The following KLHDC1 variants were observed in gnomAD, a reference collection of about 807,000 sequenced individuals.
KLHDC1 encodes the protein kelch domain-containing protein 1.
Under a neutral mutation model 68.3 loss-of-function variants are expected in KLHDC1, and 53 were observed. That is an observed-to-expected ratio of 0.78 (90% CI 0.62 to 0.98). KLHDC1 has a LOEUF of 0.98. Ranked by LOEUF, KLHDC1 falls within the 50% of genes least tolerant of loss-of-function variation. The probability of loss-of-function intolerance (pLI) is 0.00; values close to 1 mark genes in which losing one functional copy is unlikely to be tolerated. For synonymous variants in KLHDC1, 148 were observed against 159.0 expected, an observed-to-expected ratio of 0.93 and a Z score of 0.52; for missense variants, 470 against 492.3, an observed-to-expected ratio of 0.95 and a Z score of 0.43.
Position 49,710,482 on chromosome 14 carries a change from T to G in KLHDC1, c.404+101T>G. 3 of 648,376 alleles carry G rather than the reference T, an allele frequency of 4.6e-6. No homozygotes were observed. The East Asian group carries it at 7.9e-5, about 17-fold the overall frequency. 40.2% of individuals were successfully genotyped at this position (648,376 alleles called of 1,614,324 possible). On this transcript the variant is annotated intron_variant, in intron 4 of 12. Transcript: ENST00000359332. ...TTAAAGGTATGAGTTTTTTTCAGGA[T>G]TGCAATTGATTTTCTAAATAATCAA... is the stretch of plus-strand genomic sequence containing the variant.
At chr14:49,740,276 C>T in intron 11 of KLHDC1, 94 bp downstream of exon 11, 1 of 688,898 alleles carries the variant, frequency 1.5e-6, no homozygotes, top group Middle Eastern at 3.4e-4. Context: ...TCTAACATTG[C>T]AAAATATGAA....
intron 1 of KLHDC1, 136 bp downstream of exon 1, chr14:49,693,426 T>TC (rs1433945360): frequency 2.2e-6 from 1 of 456,486 alleles, no homozygotes; most frequent in African/African-American, 2.1e-5. Flanking sequence ...CCCCAGCCCC[T>TC]CCGCTGGCCG....
chr14:49,751,824 T>C lies in KLHDC1; in HGVS notation c.*52T>C, dbSNP rs1889327705. On this transcript the variant is annotated 3_prime_UTR_variant, in exon 13 of 13. Coordinates refer to ENST00000359332, the MANE Select transcript of KLHDC1 (RefSeq NM_172193.3). ...ATGTTTTAACTTTTTAATCAGACTA[T>C]ACATTTACACTCCCAAATTGCAGGC... The C allele has an allele frequency of 1.1e-6, 1 of 909,522 alleles. No homozygotes were observed. Among genetic ancestry groups the C allele is most frequent in the Non-Finnish European group, 1.6e-6 (1 of 639,404 alleles). 56.3% of individuals were successfully genotyped at this position (909,522 alleles called of 1,614,324 possible). A position where few individuals can be genotyped will look rare whatever the true frequency, so the allele number is the denominator to read the frequency against.
At position 49,699,063 on chromosome 14, in the gene KLHDC1, C is replaced by T. The variant is rs147153799; in HGVS notation, c.96+5773C>T. Among the ~76,000 whole-genome samples, 751 of 149,596 alleles carry T rather than the reference C, an allele frequency of 5.0e-3. 7 individuals are homozygous for T. Among genetic ancestry groups the T allele is most frequent in the South Asian group, 0.029 (138 of 4,684 alleles). On this transcript the variant is annotated intron_variant, in intron 1 of 12. Transcript: ENST00000359332. ...CCTGTAATCCCAGCTAATCTGGAGG[C>T]TGAGGCAGGAGAATCGCTTGATCCC...
chr14:49,725,825 C>T, intron 6 of KLHDC1, 56 bp downstream of exon 6: 1 of 934,100 alleles, frequency 1.1e-6, no homozygotes, highest in Non-Finnish European at 1.6e-6. Flanking sequence ...AAATTTTTTA[C>T]TGTGGATTTT....
chr14:49,729,213 A>C (rs774400998), intron 7 of KLHDC1, among the ~76,000 whole-genome samples: 12 of 152,222 alleles, frequency 7.9e-5, no homozygotes, highest in Non-Finnish European at 1.3e-4. Context: ...AATGAGGAGA[A>C]TCTTTCAGTG....
chr14:49,704,504 G>T (rs1012062294), intron 1 of KLHDC1, among the ~76,000 whole-genome samples: 2 of 139,942 alleles, frequency 1.4e-5, no homozygotes, highest in African/African-American at 2.7e-5. Flanking sequence ...AGCAATTCTC[G>T]TGCCTCAGCC....
intron 9 of KLHDC1, 63 bp from the exon 10 acceptor site, chr14:49,734,526 G>T: frequency 1.1e-6 from 1 of 900,650 alleles, no homozygotes; most frequent in Non-Finnish European, 1.7e-6. Flanking sequence ...ATAAATTGGG[G>T]GGAAAATTAA....
chr14:49,698,220 C>T (rs149438554), intron 1 of KLHDC1, among the ~76,000 whole-genome samples: 78 of 152,268 alleles, frequency 5.1e-4, no homozygotes, highest in African/African-American at 1.8e-3. Context: ...TATTTTTCCC[C>T]TGAGACGGAG....
chr14:49,738,921 G>A (rs1002168474), intron 10 of KLHDC1, among the ~76,000 whole-genome samples: 1 of 152,218 alleles, frequency 6.6e-6, no homozygotes, highest in East Asian at 1.9e-4. Context: ...ATCAGCTTCT[G>A]CTAGCCAGTA....
chr14:49,693,408 C>T (rs540478419), intron 1 of KLHDC1, 118 bp downstream of exon 1: 24 of 602,628 alleles, frequency 4.0e-5, no homozygotes, highest in East Asian at 3.9e-4. Context: ...CGCCCGGCGC[C>T]TGCAGCCCCC....
chr14:49,700,278 C>T (rs553707709), intron 1 of KLHDC1: 74 of 167,652 alleles, frequency 4.4e-4, no homozygotes, highest in Admixed American at 1.3e-3. Flanking sequence ...CCACCTGCCT[C>T]GGCCTCCCAA....
intron 4 of KLHDC1, among the ~76,000 whole-genome samples, chr14:49,722,518 A>T (rs536235421): frequency 1.5e-3 from 221 of 152,292 alleles, no homozygotes; most frequent in African/African-American, 5.1e-3. Flanking sequence ...TCTATCATTG[A>T]TGGACATTTG....
chr14:49,750,904 C>T (rs1404290707), intron 12 of KLHDC1: 1 of 152,188 alleles, frequency 6.6e-6, no homozygotes, highest in Non-Finnish European at 1.5e-5. Context: ...GTCTTTCACC[C>T]TGCTCTCTCT....
chr14:49,727,262 A>T (rs1448084633), intron 6 of KLHDC1, among the ~76,000 whole-genome samples: 1 of 152,030 alleles, frequency 6.6e-6, no homozygotes, highest in African/African-American at 2.4e-5. Context: ...ACCAAAAAAA[A>T]AAAAGAAAGA....
At chr14:49,742,044 C>G (rs1278564622) in intron 11 of KLHDC1, among the ~76,000 whole-genome samples, 2 of 152,334 alleles carry the variant, frequency 1.3e-5, no homozygotes, top group Non-Finnish European at 2.9e-5. Flanking sequence ...AAGCCCCTAA[C>G]TTAAATGTTT....
intron 6 of KLHDC1, 70 bp downstream of exon 6, chr14:49,725,839 T>G (rs904986843): frequency 3.3e-4 from 246 of 753,188 alleles, no homozygotes; most frequent in Middle Eastern, 7.8e-4. Context: ...GGATTTTGGG[T>G]TTTTTTTTGT....
intron 1 of KLHDC1, among the ~76,000 whole-genome samples, chr14:49,694,370 C>G (rs1018528029): frequency 6.6e-6 from 1 of 152,098 alleles, no homozygotes; most frequent in East Asian, 1.9e-4. Context: ...CATTATGTGA[C>G]AGACCTGTAA....
chr14:49,698,961 G>A (rs1247096518), intron 1 of KLHDC1, among the ~76,000 whole-genome samples: 2 of 151,616 alleles, frequency 1.3e-5, no homozygotes, highest in East Asian at 2.0e-4. Flanking sequence ...GCAGGAGATC[G>A]AGACCATCCT....
Sources: gnomAD v4.1 joint callset for allele counts (sites outside exome capture counted in the v4.1 genomes callset) on GRCh38, gnomAD v4.1.1 for gene constraint, MANE v1.5 for transcripts, NCBI Gene and HGNC (gene_info 2026-07-23, HGNC 2026-07-21) for gene names.